Variants in FOXN3 observed in about 807,000 individuals in gnomAD.
The protein encoded by FOXN3 is forkhead box protein N3.
A neutral mutation model predicts 38.4 loss-of-function variants in FOXN3; 7 were observed. The observed-to-expected ratio is 0.18, with a 90% CI of 0.10 to 0.34. The LOEUF (loss-of-function observed/expected upper bound fraction) is 0.34, where lower values mean the gene tolerates loss of function less well. FOXN3 is among the 10% of genes least tolerant of loss of function. The probability of loss-of-function intolerance (pLI) is 1.00; values close to 1 mark genes in which losing one functional copy is unlikely to be tolerated. For synonymous variants in FOXN3, 230 were observed against 242.2 expected, an observed-to-expected ratio of 0.95 and a Z score of 0.47; for missense variants, 456 against 613.4, an observed-to-expected ratio of 0.74 and a Z score of 2.71.
At position 89,506,211 on chromosome 14, in the gene FOXN3, G is replaced by A. The variant is rs1324220003; in HGVS notation, c.-14-93721C>T. Among the ~76,000 whole-genome samples the A allele has an allele frequency of 1.5e-4, 9 of 59,002 alleles. 2 individuals carry two copies. The highest frequency in any genetic ancestry group is 3.6e-4 in the African/African-American group (9 of 24,808). The allele number at this position is 59,002 out of a possible 152,430, so 38.7% of individuals were successfully genotyped here. ...CGGGCGGTGAGGGGCGCCTCTGCCC[G>A]GCCGCCTCTACTGGGAAGAGAGGAG... On this transcript the variant is annotated intron_variant, in intron 1 of 6. Coordinates refer to the FOXN3 transcript ENST00000345097.
chr14:89,325,263 C>T (rs1422294127), intron 3 of FOXN3, among the ~76,000 whole-genome samples: 1 of 148,072 alleles, frequency 6.8e-6, no homozygotes, highest in Non-Finnish European at 1.5e-5. Context: ...CCACCACCAC[C>T]ACCATCACCA....
chr14:89,513,087 C>A (rs1410239822), intron 1 of FOXN3, among the ~76,000 whole-genome samples: 2 of 147,784 alleles, frequency 1.4e-5, no homozygotes, highest in Middle Eastern at 6.5e-3. Flanking sequence ...TTGCAGTGAG[C>A]CGAGATCGCG....
At chr14:89,417,462 G>A (rs1891780027), upstream of FOXN3, 1 of 148,784 alleles carries the variant, frequency 6.7e-6, no homozygotes, top group African/African-American at 2.4e-5. Context: ...CTTGGGCCCC[G>A]CGGGGCGGGG....
intron 3 of FOXN3, chr14:89,333,143 C>T: frequency 6.3e-6 from 1 of 158,594 alleles, no homozygotes; most frequent in Non-Finnish European, 1.4e-5. Context: ...TTTGGTTCAG[C>T]ACCAGGCCGG....
intron 1 of FOXN3, among the ~76,000 whole-genome samples, chr14:89,617,238 C>T (rs1007648749): frequency 2.6e-5 from 4 of 152,270 alleles, no homozygotes; most frequent in African/African-American, 9.6e-5. Context: ...AATGAAATCG[C>T]TTTAAAGGCT....
intron 1 of FOXN3, among the ~76,000 whole-genome samples, chr14:89,559,146 C>T (rs1895193505): frequency 6.6e-6 from 1 of 151,960 alleles, no homozygotes; most frequent in African/African-American, 2.4e-5. Flanking sequence ...GGGAGGATCA[C>T]TTGAGCTTAG....
chr14:89,364,349 TTTTG>T (rs1206031541), intron 2 of FOXN3: 3 of 69,910 alleles, frequency 4.3e-5, no homozygotes, highest in African/African-American at 1.2e-4. Context: ...TTGTTTGTTT[TTTTG>T]TTTTGTTTTT....
chr14:89,531,725 G>A (rs1894575217), intron 1 of FOXN3, among the ~76,000 whole-genome samples: 1 of 152,268 alleles, frequency 6.6e-6, no homozygotes, highest in African/African-American at 2.4e-5. Context: ...ACTTCCAGGT[G>A]ATGCATCAGC....
rs556740700 is a variant in FOXN3, at chr14:89,547,420, A to G, written c.-15+71608T>C. 5.4e-4 allele frequency among the ~76,000 whole-genome samples: 82 copies of G among 151,824 alleles called. 2 individuals are homozygous for G. Among genetic ancestry groups the G allele is most frequent in the Middle Eastern group, 3.4e-3 (1 of 294 alleles). ...CAGGCACGTGCCACCATGCGTGGCT[A>G]ATTGTTTTTTTGTTTGTTTGTTTGT... On this transcript the variant is annotated intron_variant, in intron 1 of 6. Transcript: ENST00000345097.
At chr14:89,235,504 T>C (rs1282664592) in intron 4 of FOXN3, among the ~76,000 whole-genome samples, 3 of 152,176 alleles carry the variant, frequency 2.0e-5, no homozygotes, top group African/African-American at 7.2e-5. Flanking sequence ...AACTGTGAAA[T>C]GCTTCATCTG....
At position 89,242,281 on chromosome 14, in the gene FOXN3, C is replaced by T. The variant is rs139637311; in HGVS notation, c.745+38669G>A. ...CTTGGCCTTGGGGTCCTGAGAGACC[C>T]ACAGTACTTCCTCCAATAGATTCCC... On this transcript the variant is annotated intron_variant, in intron 4 of 5. Coordinates refer to ENST00000557258, the MANE Select transcript of FOXN3 (RefSeq NM_005197.4). 1.3e-3 allele frequency among the ~76,000 whole-genome samples: 203 copies of T among 150,568 alleles called. 3 individuals are homozygous for T. Among genetic ancestry groups the T allele is most frequent in the African/African-American group, 4.9e-3 (200 of 40,862 alleles).
At chr14:89,472,401 A>G (rs1480071409) in intron 1 of FOXN3, among the ~76,000 whole-genome samples, 1 of 151,954 alleles carries the variant, frequency 6.6e-6, no homozygotes, top group Non-Finnish European at 1.5e-5. Flanking sequence ...CAAGTTGGTA[A>G]TTGTCAAGTG....
intron 1 of FOXN3, among the ~76,000 whole-genome samples, chr14:89,593,269 G>C (rs1895995358): frequency 6.6e-6 from 1 of 151,684 alleles, no homozygotes. Flanking sequence ...GGAAGGAGAA[G>C]TATGTTTAGA....
chr14:89,249,720 G>A lies in FOXN3; in HGVS notation c.745+31230C>T, dbSNP rs535390371. Among the ~76,000 whole-genome samples, 3 of 152,310 alleles carry A rather than the reference G, an allele frequency of 2.0e-5. No individual in the cohort carries two copies. The South Asian group carries it at 6.2e-4, about 32-fold the overall frequency. Reference sequence around the variant, plus strand: ...AACACAAATCCAACGATGGGACAATGCCATAAAAGACACGGTGGTGTATAG... The same window carrying A: ...AACACAAATCCAACGATGGGACAATACCATAAAAGACACGGTGGTGTATAG... On this transcript the variant is annotated intron_variant, in intron 4 of 5. Transcript: ENST00000557258.
chr14:89,596,325 G>A (rs981502570), intron 1 of FOXN3, among the ~76,000 whole-genome samples: 2 of 151,958 alleles, frequency 1.3e-5, no homozygotes, highest in Admixed American at 6.6e-5. Context: ...TTTAGTTGAC[G>A]GGCATTTCAC....
chr14:89,541,118 C>T lies in FOXN3; in HGVS notation c.-15+77910G>A, dbSNP rs187792441. On this transcript the variant is annotated intron_variant, in intron 1 of 6. Coordinates refer to the FOXN3 transcript ENST00000345097. ...TCAGGACCTCACCAGACAGATCTCT[C>T]GCAAATATTTGTTGGATATATGAAT... 5.9e-5 allele frequency among the ~76,000 whole-genome samples: 9 copies of T among 152,232 alleles called. No homozygotes were observed. The East Asian group carries it at 1.5e-3, about 26-fold the overall frequency.
chr14:89,441,326 C>CCTA (rs142491777), intron 1 of FOXN3, among the ~76,000 whole-genome samples: 7,410 of 152,230 alleles, frequency 0.049, 210 homozygotes, highest in African/African-American at 0.069. Flanking sequence ...TTACCTGAAC[C>CCTA]CTATGTAACC....
At chr14:89,336,101 T>C (rs115095091) in intron 3 of FOXN3, among the ~76,000 whole-genome samples, 1 of 151,038 alleles carries the variant, frequency 6.6e-6, no homozygotes, top group East Asian at 1.9e-4. Context: ...CACCCTACAT[T>C]CGCTTTTCGA....
chr14:89,531,212 G>A (rs1287804213), intron 1 of FOXN3, among the ~76,000 whole-genome samples: 1 of 151,282 alleles, frequency 6.6e-6, no homozygotes. Context: ...ACGCAGTCCC[G>A]TGGCTGTAAA....
Sources: gnomAD v4.1 joint callset for allele counts (sites outside exome capture counted in the v4.1 genomes callset) on GRCh38, gnomAD v4.1.1 for gene constraint, MANE v1.5 for transcripts, NCBI Gene and HGNC (gene_info 2026-07-23, HGNC 2026-07-21) for gene names.